GPC6: variants seen among roughly 807,000 people sequenced by gnomAD.
The protein encoded by GPC6 is glypican 6.
Under a neutral mutation model 55.2 loss-of-function variants are expected in GPC6, and 14 were observed. The ratio of observed to expected loss-of-function variants is 0.25; its 90% CI spans 0.17 to 0.40. The LOEUF (loss-of-function observed/expected upper bound fraction) is 0.40. Among genes scored for constraint, GPC6 ranks in the 10% least tolerant of loss-of-function variants. The probability of loss-of-function intolerance (pLI) is 1.00; values close to 1 mark genes in which losing one functional copy is unlikely to be tolerated. For synonymous variants in GPC6, 278 were observed against 259.6 expected, an observed-to-expected ratio of 1.07 and a Z score of -0.68; for missense variants, 641 against 708.5, an observed-to-expected ratio of 0.90 and a Z score of 1.08.
Position 94,398,963 on chromosome 13 carries a change from C to T in GPC6, c.1465+322C>T, listed in dbSNP as rs76474850. On this transcript the variant is annotated intron_variant, in intron 8 of 8. Coordinates refer to ENST00000377047, the MANE Select transcript of GPC6 (RefSeq NM_005708.5). ...TAATTTTTTCACTTTCTCCTGTCCT[C>T]ATCACTATTCACATCTGACCCAAAC... 2.4e-3 allele frequency among the ~76,000 whole-genome samples: 371 copies of T among 152,336 alleles called. 1 individual carries two copies. The highest frequency in any genetic ancestry group is 8.5e-3 in the African/African-American group (353 of 41,562).
chr13:93,809,590 G>A (rs542845976), intron 2 of GPC6, among the ~76,000 whole-genome samples: 1 of 152,236 alleles, frequency 6.6e-6, no homozygotes, highest in South Asian at 2.1e-4. Flanking sequence ...GCTGAACCTG[G>A]AACATTTGCA....
chr13:93,842,721 T>C (rs1279985780), intron 3 of GPC6, among the ~76,000 whole-genome samples: 2 of 152,030 alleles, frequency 1.3e-5, no homozygotes, highest in Non-Finnish European at 2.9e-5. Context: ...AAGTTGTTGC[T>C]CCAGCTTAAA....
intron 3 of GPC6, among the ~76,000 whole-genome samples, chr13:94,016,684 A>G (rs902890862): frequency 2.0e-5 from 3 of 152,340 alleles, no homozygotes; most frequent in Admixed American, 1.3e-4. Context: ...TTAACAAAAT[A>G]TGTCTTCTAG....
At chr13:93,440,662 G>A (rs1594171097) in intron 1 of GPC6, among the ~76,000 whole-genome samples, 2 of 149,310 alleles carry the variant, frequency 1.3e-5, no homozygotes, top group South Asian at 4.3e-4. Context: ...TTTACAGCAT[G>A]CAAGTCTTGC....
At chr13:94,240,428 G>A (rs1032921314) in intron 4 of GPC6, among the ~76,000 whole-genome samples, 1 of 152,024 alleles carries the variant, frequency 6.6e-6, no homozygotes, top group Non-Finnish European at 1.5e-5. Context: ...TCCTTCTGGA[G>A]ACACTCAATG....
chr13:93,783,460 G>C (rs537192724), intron 2 of GPC6, among the ~76,000 whole-genome samples: 1 of 152,178 alleles, frequency 6.6e-6, no homozygotes, highest in East Asian at 1.9e-4. Context: ...GTGTAAAAGC[G>C]TTCCTGTTTC....
chr13:93,752,738 T>C (rs1038904085), intron 2 of GPC6, among the ~76,000 whole-genome samples: 8 of 152,142 alleles, frequency 5.3e-5, no homozygotes, highest in Non-Finnish European at 7.4e-5. Flanking sequence ...AAGGCCTGAC[T>C]CATGCCACTG....
intron 1 of GPC6, among the ~76,000 whole-genome samples, chr13:93,437,762 G>C (rs1211792069): frequency 6.6e-6 from 1 of 152,140 alleles, no homozygotes; most frequent in Non-Finnish European, 1.5e-5. Flanking sequence ...CAGAAAAATA[G>C]AACTAAGATA....
At chr13:93,668,470 C>A (rs1881230840) in intron 2 of GPC6, among the ~76,000 whole-genome samples, 1 of 152,158 alleles carries the variant, frequency 6.6e-6, no homozygotes, top group East Asian at 1.9e-4. Flanking sequence ...ATGAATACGA[C>A]CTTATTTGCA....
chr13:94,151,544 A>G (rs562606787), intron 4 of GPC6, among the ~76,000 whole-genome samples: 80 of 152,238 alleles, frequency 5.3e-4, no homozygotes, highest in African/African-American at 1.9e-3. Context: ...TCGAATGGTT[A>G]TTTGAGCTCA....
At chr13:93,457,180 G>C (rs1878485950) in intron 1 of GPC6, among the ~76,000 whole-genome samples, 2 of 152,116 alleles carry the variant, frequency 1.3e-5, no homozygotes, top group African/African-American at 2.4e-5. Context: ...GTCTTCATTA[G>C]TAGCATGAGA....
At chr13:93,903,583 G>A (rs1594574267) in intron 3 of GPC6, among the ~76,000 whole-genome samples, 1 of 152,168 alleles carries the variant, frequency 6.6e-6, no homozygotes, top group African/African-American at 2.4e-5. Context: ...TGAAAGATCT[G>A]TGTTTAAATT....
chr13:93,350,617 A>C (rs943753388), intron 1 of GPC6, among the ~76,000 whole-genome samples: 3 of 152,094 alleles, frequency 2.0e-5, no homozygotes, highest in Non-Finnish European at 4.4e-5. Context: ...GGCCTAAATT[A>C]TTTCTGATCT....
intron 4 of GPC6, among the ~76,000 whole-genome samples, chr13:94,200,558 T>C (rs1170793387): frequency 6.6e-6 from 1 of 152,202 alleles, no homozygotes; most frequent in East Asian, 1.9e-4. Flanking sequence ...TTCAACTAGC[T>C]GAAGTCTATT....
intron 3 of GPC6, among the ~76,000 whole-genome samples, chr13:94,010,492 A>G (rs893202042): frequency 2.6e-5 from 4 of 152,208 alleles, no homozygotes; most frequent in Admixed American, 2.0e-4. Context: ...GACACACTTT[A>G]TAATATGCAA....
intron 1 of GPC6, among the ~76,000 whole-genome samples, chr13:93,438,291 A>T (rs1304190220): frequency 6.6e-6 from 1 of 152,172 alleles, no homozygotes; most frequent in African/African-American, 2.4e-5. Flanking sequence ...AAATCTTATT[A>T]TTTTAGAAAT....
intron 3 of GPC6, among the ~76,000 whole-genome samples, chr13:93,962,943 C>G (rs891811371): frequency 2.0e-5 from 3 of 152,124 alleles, no homozygotes; most frequent in African/African-American, 7.2e-5. Flanking sequence ...CTGATTAGCT[C>G]TATCTCACCA....
intron 3 of GPC6, among the ~76,000 whole-genome samples, chr13:93,891,949 G>GTA (rs1875712818): frequency 6.6e-6 from 1 of 151,564 alleles, no homozygotes; most frequent in East Asian, 1.9e-4. Flanking sequence ...ATGCATGTGT[G>GTA]TATATATATA....
Position 93,765,169 on chromosome 13 carries a change from G to C in GPC6, c.320-64985G>C, listed in dbSNP as rs545209394. On this transcript the variant is annotated intron_variant, in intron 2 of 8. Coordinates refer to ENST00000377047, the MANE Select transcript of GPC6 (RefSeq NM_005708.5). ...ATTTAGATATACCTAGATTCTCTAT[G>C]TAATTGAAATAAACACATTTTTATA... Among the ~76,000 whole-genome samples, 4 of 71,924 alleles carry C rather than the reference G, an allele frequency of 5.6e-5. No homozygotes were observed. In the East Asian group the frequency reaches 1.7e-3, roughly 30 times the overall value. The allele number at this position is 71,924 out of a possible 152,430, so 47.2% of individuals were successfully genotyped here.
Sources: allele counts gnomAD v4.1 joint callset (sites outside exome capture counted in the v4.1 genomes callset), GRCh38; gene constraint gnomAD v4.1.1; transcripts MANE v1.5; gene names NCBI Gene and HGNC (gene_info 2026-07-23, HGNC 2026-07-21).